The following UTRN variants were observed in gnomAD, a reference collection of about 807,000 sequenced individuals.
UTRN encodes utrophin.
Under a neutral mutation model 463.9 loss-of-function variants are expected in UTRN, and 283 were observed. The ratio of observed to expected loss-of-function variants is 0.61; its 90% CI spans 0.55 to 0.67. UTRN has a LOEUF of 0.67. Ranked by LOEUF, UTRN falls within the 30% of genes least tolerant of loss-of-function variation. UTRN has a pLI of 0.00. For missense variants in UTRN, 3,922 were observed against 4,084.3 expected (o/e 0.96, Z 1.08); for synonymous variants, 1,442 against 1,431.5 (o/e 1.01, Z -0.17).
At chr6:144,406,610 G>C (rs920404359) in intron 3 of UTRN, among the ~76,000 whole-genome samples, 1 of 151,934 alleles carries the variant, frequency 6.6e-6, no homozygotes, top group Non-Finnish European at 1.5e-5. Flanking sequence ...CAAGTGATCC[G>C]CCTGCCTCGA....
chr6:144,796,728 G>A (rs1777251619), intron 63 of UTRN, among the ~76,000 whole-genome samples: 3 of 152,216 alleles, frequency 2.0e-5, no homozygotes, highest in South Asian at 4.1e-4. Flanking sequence ...TTTTGGCAAA[G>A]CATATCCAGT....
chr6:144,514,396 T>G (rs1327783825), intron 36 of UTRN, among the ~76,000 whole-genome samples: 1 of 152,254 alleles, frequency 6.6e-6, no homozygotes, highest in Non-Finnish European at 1.5e-5. Context: ...CTTACTTCTG[T>G]ACTCTCCAAT....
At chr6:144,571,628 T>C (rs1221695326) in intron 50 of UTRN, among the ~76,000 whole-genome samples, 1 of 152,220 alleles carries the variant, frequency 6.6e-6, no homozygotes, top group Non-Finnish European at 1.5e-5. Context: ...GAATTTTAGG[T>C]AAATACATAT....
intron 33 of UTRN, among the ~76,000 whole-genome samples, chr6:144,498,516 T>C (rs933137219): frequency 1.7e-4 from 26 of 152,212 alleles, no homozygotes; most frequent in African/African-American, 6.3e-4. Context: ...TATTTTCCCC[T>C]CAAGTTACTA....
At chr6:144,783,686 A>G (rs543577168) in intron 61 of UTRN, among the ~76,000 whole-genome samples, 33 of 152,272 alleles carry the variant, frequency 2.2e-4, no homozygotes, top group Admixed American at 1.6e-3. Flanking sequence ...CCCCCTACCT[A>G]TATGTACTTT....
At chr6:144,806,360 G>A (rs76197742) in intron 65 of UTRN, among the ~76,000 whole-genome samples, 1,612 of 152,224 alleles carry the variant, frequency 0.011, 26 homozygotes, top group East Asian at 0.056. Flanking sequence ...TACAAGGATA[G>A]CTTCATTTTT....
chr6:144,730,497 T>A lies in UTRN; in HGVS notation c.7939+11T>A, dbSNP rs1405559112. ...TACAATCAAAAACAGGTGAGACTGG[T>A]TTCTCCACTACATCATAAAAACACA... On this transcript the variant is annotated intron_variant, in intron 54 of 74. Coordinates refer to ENST00000367545, the MANE Select transcript of UTRN (RefSeq NM_007124.3). 1 of 1,603,560 alleles carries A rather than the reference T, an allele frequency of 6.2e-7. No homozygotes were observed. Among genetic ancestry groups the A allele is most frequent in the South Asian group, 1.1e-5 (1 of 89,834 alleles).
At chr6:144,729,673 G>A (rs1341316256) in intron 53 of UTRN, among the ~76,000 whole-genome samples, 1 of 152,170 alleles carries the variant, frequency 6.6e-6, no homozygotes, top group African/African-American at 2.4e-5. Flanking sequence ...ATAGGTGCAG[G>A]GGTGAAAGTT....
At chr6:144,541,343 G>A (rs575714364) in intron 45 of UTRN, among the ~76,000 whole-genome samples, 19 of 152,246 alleles carry the variant, frequency 1.2e-4, no homozygotes, top group African/African-American at 3.1e-4. Flanking sequence ...ATATTCAGTC[G>A]GAGCACACAT....
chr6:144,749,797 A>T (rs1791185740), intron 55 of UTRN, among the ~76,000 whole-genome samples: 1 of 152,138 alleles, frequency 6.6e-6, no homozygotes, highest in Non-Finnish European at 1.5e-5. Flanking sequence ...GGAGAGGAAA[A>T]ATTTGAATTT....
At chr6:144,816,832 G>T (rs1779133714) in intron 65 of UTRN, among the ~76,000 whole-genome samples, 2 of 148,518 alleles carry the variant, frequency 1.3e-5, no homozygotes, top group Non-Finnish European at 3.0e-5. Context: ...TGCCCTCCTT[G>T]GCCTCCCAAA....
intron 65 of UTRN, among the ~76,000 whole-genome samples, chr6:144,806,964 C>G (rs933098550): frequency 6.6e-6 from 1 of 152,024 alleles, no homozygotes; most frequent in Non-Finnish European, 1.5e-5. Context: ...ATGGTTCATC[C>G]ATCTTTTACT....
intron 23 of UTRN, among the ~76,000 whole-genome samples, chr6:144,467,282 G>A (rs1790052261): frequency 6.6e-6 from 1 of 152,156 alleles, no homozygotes; most frequent in Non-Finnish European, 1.5e-5. Context: ...TACACCCATA[G>A]CTAGATAATC....
chr6:144,418,774 GA>G (rs1784580346), intron 3 of UTRN, among the ~76,000 whole-genome samples: 1 of 151,746 alleles, frequency 6.6e-6, no homozygotes. Flanking sequence ...GGCTGGTCTC[GA>G]ATTCCTGCTC....
chr6:144,823,186 CAA>C (rs1022643896), intron 66 of UTRN, among the ~76,000 whole-genome samples: 14 of 151,726 alleles, frequency 9.2e-5, no homozygotes, highest in African/African-American at 3.4e-4. Flanking sequence ...GAGAGGAAAA[CAA>C]GAGAAAAAAA....
intron 51 of UTRN, among the ~76,000 whole-genome samples, chr6:144,627,984 A>G (rs1361831629): frequency 3.3e-5 from 5 of 152,004 alleles, no homozygotes; most frequent in Non-Finnish European, 4.4e-5. Flanking sequence ...TAGTTTTAGT[A>G]GAGACGGGGT....
At chr6:144,450,728 TG>T (rs1562419004) in intron 17 of UTRN, among the ~76,000 whole-genome samples, 1 of 152,242 alleles carries the variant, frequency 6.6e-6, no homozygotes, top group Non-Finnish European at 1.5e-5. Flanking sequence ...ACTTGTTCTT[TG>T]CTGATTATCT....
intron 50 of UTRN, among the ~76,000 whole-genome samples, chr6:144,559,824 G>C (rs1799705678): frequency 6.6e-6 from 1 of 152,086 alleles, no homozygotes; most frequent in Non-Finnish European, 1.5e-5. Flanking sequence ...TATTACCTGT[G>C]TTGAGAATAC....
intron 46 of UTRN, among the ~76,000 whole-genome samples, chr6:144,543,809 A>AT (rs1243931486): frequency 1.9e-4 from 28 of 150,024 alleles, no homozygotes; most frequent in African/African-American, 5.4e-4. Context: ...GACAGACAAT[A>AT]TATTTTTTTT....
Sources: allele counts gnomAD v4.1 joint callset (sites outside exome capture counted in the v4.1 genomes callset), GRCh38; gene constraint gnomAD v4.1.1; transcripts MANE v1.5; gene names NCBI Gene and HGNC (gene_info 2026-07-23, HGNC 2026-07-21).